GALNT7: variants seen among roughly 807,000 people sequenced by gnomAD.
GALNT7 encodes polypeptide N-acetylgalactosaminyltransferase 7.
GALNT7 carries 60 observed loss-of-function variants against 82.1 expected under a neutral mutation model. That is an observed-to-expected ratio of 0.73 (90% CI 0.59 to 0.91). The LOEUF (loss-of-function observed/expected upper bound fraction) is 0.91, where lower values mean the gene tolerates loss of function less well. Among genes scored for constraint, GALNT7 ranks in the 40% least tolerant of loss-of-function variants. GALNT7 has a pLI of 0.00. For synonymous variants in GALNT7, 243 were observed against 275.1 expected, an observed-to-expected ratio of 0.88 and a Z score of 1.15; for missense variants, 660 against 804.2, an observed-to-expected ratio of 0.82 and a Z score of 2.17.
In GALNT7 at chr4:173,212,424, G is replaced by A. The variant is rs547287235; in HGVS notation, c.127-35556G>A. Among the ~76,000 whole-genome samples the A allele has an allele frequency of 1.2e-4, 18 of 152,164 alleles. 1 individual carries two copies. The South Asian group carries it at 3.1e-3, about 26-fold the overall frequency. ...AAAAAGCATTTTAAAGGTCCAAAAC[G>A]TTTAAACAGGTTATTTAGCAGTAAT... On this transcript the variant is annotated intron_variant, in intron 1 of 11. Transcript: ENST00000265000.
intron 2 of GALNT7, among the ~76,000 whole-genome samples, chr4:173,256,542 TCTCC>T (rs34696309): frequency 4.0e-5 from 6 of 150,876 alleles, no homozygotes; most frequent in Middle Eastern, 3.4e-3. Context: ...GCCCTCCCTC[TCTCC>T]CTCCCTCCCT....
chr4:173,321,491 T>G, intron 11 of GALNT7, 89 bp from the exon 12 acceptor site: 3 of 873,950 alleles, frequency 3.4e-6, no homozygotes, highest in Non-Finnish European at 5.6e-6. Context: ...TTCCTTAAAC[T>G]GTCTCCTCAT....
intron 2 of GALNT7, among the ~76,000 whole-genome samples, chr4:173,258,770 C>T (rs763918601): frequency 6.6e-6 from 1 of 152,166 alleles, no homozygotes; most frequent in Non-Finnish European, 1.5e-5. Flanking sequence ...GCATATACAC[C>T]CATTGCCTTG....
chr4:173,259,407 T>A (rs1735171497), intron 2 of GALNT7, among the ~76,000 whole-genome samples: 1 of 151,478 alleles, frequency 6.6e-6, no homozygotes, highest in African/African-American at 2.4e-5. Flanking sequence ...TATAACTCTT[T>A]CTCTCTTCTC....
intron 1 of GALNT7, among the ~76,000 whole-genome samples, chr4:173,241,924 A>G (rs1385458219): frequency 6.6e-6 from 1 of 152,204 alleles, no homozygotes; most frequent in Non-Finnish European, 1.5e-5. Context: ...TTACCATAGT[A>G]TATTAGAAGT....
chr4:173,231,551 G>A (rs181073705), intron 1 of GALNT7, among the ~76,000 whole-genome samples: 1 of 152,198 alleles, frequency 6.6e-6, no homozygotes, highest in Non-Finnish European at 1.5e-5. Flanking sequence ...CTAATCTTTG[G>A]CTTCCTGAAC....
At chr4:173,300,425 T>G (rs1213955051) in intron 6 of GALNT7, among the ~76,000 whole-genome samples, 1 of 152,164 alleles carries the variant, frequency 6.6e-6, no homozygotes, top group Non-Finnish European at 1.5e-5. Flanking sequence ...TATGGAAAGA[T>G]GAACCTAATC....
intron 3 of GALNT7, among the ~76,000 whole-genome samples, chr4:173,294,812 G>A (rs1026200610): frequency 6.6e-6 from 1 of 152,004 alleles, no homozygotes; most frequent in Non-Finnish European, 1.5e-5. Flanking sequence ...TATTTATAAT[G>A]TATAATTATA....
intron 1 of GALNT7, among the ~76,000 whole-genome samples, chr4:173,191,828 G>C (rs1242525641): frequency 6.6e-6 from 1 of 151,910 alleles, no homozygotes; most frequent in Non-Finnish European, 1.5e-5. Context: ...TTTGTTTTTA[G>C]TTTCTGTGAC....
At chr4:173,232,729 A>T (rs1385606288) in intron 1 of GALNT7, among the ~76,000 whole-genome samples, 1 of 152,088 alleles carries the variant, frequency 6.6e-6, no homozygotes, top group Non-Finnish European at 1.5e-5. Flanking sequence ...AGCTTGTAAC[A>T]TTCCTTTTCT....
At chr4:173,255,434 G>C (rs1051416691) in intron 2 of GALNT7, among the ~76,000 whole-genome samples, 1 of 152,078 alleles carries the variant, frequency 6.6e-6, no homozygotes, top group Non-Finnish European at 1.5e-5. Flanking sequence ...AAGTATGCCT[G>C]ATAAAAAGTT....
At chr4:173,309,183 T>A (rs1046228388) in intron 8 of GALNT7, among the ~76,000 whole-genome samples, 1 of 152,024 alleles carries the variant, frequency 6.6e-6, no homozygotes, top group African/African-American at 2.4e-5. Flanking sequence ...TTTAGTAGGA[T>A]GAGCATCCTC....
chr4:173,290,034 T>C (rs1485760070), intron 2 of GALNT7, among the ~76,000 whole-genome samples: 3 of 152,202 alleles, frequency 2.0e-5, no homozygotes, highest in South Asian at 2.1e-4. Flanking sequence ...GAAAGAACTA[T>C]GGAGCCGCTG....
In GALNT7 at chr4:173,292,423, T is replaced by G; in HGVS notation, c.754+149T>G. On this transcript the variant is annotated intron_variant, in intron 3 of 11. Coordinates refer to ENST00000265000, the MANE Select transcript of GALNT7 (RefSeq NM_017423.3). The surrounding 1 kb of genome is among the most constrained non-coding windows in gnomAD (Gnocchi z 4.8). ...AACAAGTTGACACTGTGCCAAGCAT[T>G]GTATGTGAGTTATTTTGTTTAATAC... The G allele has an allele frequency of 1.8e-6, 1 of 568,744 alleles. No homozygotes were observed. The highest frequency in any genetic ancestry group is 3.1e-6 in the Non-Finnish European group (1 of 320,526). The allele number at this position is 568,744 out of a possible 1,614,324, so 35.2% of individuals were successfully genotyped here.
chr4:173,223,329 ATAAAT>A (rs1035929263), intron 1 of GALNT7, among the ~76,000 whole-genome samples: 3 of 152,176 alleles, frequency 2.0e-5, no homozygotes, highest in Admixed American at 1.3e-4. Flanking sequence ...CATATGGTGA[ATAAAT>A]TAAGTGATAG....
intron 1 of GALNT7, among the ~76,000 whole-genome samples, chr4:173,175,648 C>T (rs564541221): frequency 1.6e-4 from 24 of 152,284 alleles, no homozygotes; most frequent in African/African-American, 3.9e-4. Flanking sequence ...ATGGGTTTAT[C>T]GGTGTGTAAC....
At chr4:173,223,811 C>CTG (rs1704114292) in intron 1 of GALNT7, among the ~76,000 whole-genome samples, 1 of 152,270 alleles carries the variant, frequency 6.6e-6, no homozygotes, top group East Asian at 1.9e-4. Context: ...TTCTCTCCCT[C>CTG]TGTGTGTATA....
chr4:173,273,185 G>A (rs372548653), intron 2 of GALNT7, among the ~76,000 whole-genome samples: 3 of 152,140 alleles, frequency 2.0e-5, no homozygotes, highest in African/African-American at 7.2e-5. Context: ...AGAGTACATC[G>A]AGAAGGCATA....
In GALNT7 at chr4:173,317,737, A is replaced by G. The variant is rs775534199; in HGVS notation, c.1707+5A>G. On this transcript the variant is annotated splice_donor_5th_base_variant and intron_variant, in intron 10 of 11. Transcript: ENST00000265000. ...CACAGGATGGGAGGGAATCAGGTAA[A>G]CCACCTTACTTTTGTGTTTAAGTTG... The G allele has an allele frequency of 6.4e-7, 1 of 1,571,570 alleles. No homozygotes were observed. Among genetic ancestry groups the G allele is most frequent in the Admixed American group, 1.7e-5 (1 of 59,920 alleles).
Sources: allele counts gnomAD v4.1 joint callset (sites outside exome capture counted in the v4.1 genomes callset), GRCh38; gene constraint gnomAD v4.1.1; non-coding constraint Gnocchi (gnomAD v3.1); transcripts MANE v1.5; gene names NCBI Gene and HGNC (gene_info 2026-07-23, HGNC 2026-07-21).